Variants in CDH13 observed in about 807,000 individuals in gnomAD.
CDH13 encodes cadherin 13.
A neutral mutation model predicts 63.8 loss-of-function variants in CDH13; 24 were observed. That is an observed-to-expected ratio of 0.38 (90% CI 0.27 to 0.53). CDH13 has a LOEUF of 0.53. CDH13 is among the 20% of genes least tolerant of loss of function. The pLI is 0.85. For missense variants in CDH13, 1,049 were observed against 903.1 expected, an observed-to-expected ratio of 1.16 and a Z score of -2.07; for synonymous variants, 503 against 355.3, an observed-to-expected ratio of 1.42 and a Z score of -4.67.
chr16:83,476,706 CA>C (rs200890682), intron 6 of CDH13, among the ~76,000 whole-genome samples: 1 of 151,716 alleles, frequency 6.6e-6, no homozygotes, highest in East Asian at 1.9e-4. Context: ...GTTAAACAAA[CA>C]AAAAAAACCA....
At chr16:83,473,309 T>C (rs2073511279) in intron 6 of CDH13, among the ~76,000 whole-genome samples, 1 of 152,212 alleles carries the variant, frequency 6.6e-6, no homozygotes, top group South Asian at 2.1e-4. Context: ...TATTTACTTA[T>C]CAAGTTGGAG....
At chr16:83,762,915 T>G (rs1308137877) in intron 11 of CDH13, among the ~76,000 whole-genome samples, 1 of 152,208 alleles carries the variant, frequency 6.6e-6, no homozygotes, top group African/African-American at 2.4e-5. Context: ...TCTCACACTC[T>G]GCCAAGTTTA....
At chr16:83,586,397 A>G (rs1364786436) in intron 7 of CDH13, among the ~76,000 whole-genome samples, 2 of 152,178 alleles carry the variant, frequency 1.3e-5, no homozygotes, top group Non-Finnish European at 1.5e-5. Context: ...GTTTATTGTT[A>G]TTTTTAAAAA....
At chr16:83,083,363 G>C (rs181684329) in intron 3 of CDH13, among the ~76,000 whole-genome samples, 1 of 152,196 alleles carries the variant, frequency 6.6e-6, no homozygotes, top group African/African-American at 2.4e-5. Context: ...AATTTGAAAG[G>C]AAGACAATAA....
At chr16:82,703,127 T>C (rs1295317931) in intron 1 of CDH13, among the ~76,000 whole-genome samples, 1 of 152,158 alleles carries the variant, frequency 6.6e-6, no homozygotes, top group Non-Finnish European at 1.5e-5. Context: ...AAACCACTTA[T>C]ATATTCAGAT....
chr16:83,348,662 C>G (rs913956587), intron 6 of CDH13, among the ~76,000 whole-genome samples: 1 of 152,214 alleles, frequency 6.6e-6, no homozygotes, highest in South Asian at 2.1e-4. Context: ...GCATTGTAGC[C>G]TAGAGCTGTG....
At chr16:83,346,684 G>A (rs1300334192) in intron 6 of CDH13, among the ~76,000 whole-genome samples, 1 of 152,108 alleles carries the variant, frequency 6.6e-6, no homozygotes, top group Non-Finnish European at 1.5e-5. Flanking sequence ...TCAGATACAT[G>A]TAATATTTTT....
chr16:82,704,474 T>A (rs1043023382), intron 1 of CDH13, among the ~76,000 whole-genome samples: 2 of 152,226 alleles, frequency 1.3e-5, no homozygotes, highest in Non-Finnish European at 2.9e-5. Context: ...ACTGCAAAGA[T>A]GTCTGAGGCC....
At chr16:83,271,422 T>TTAAAAAAAA (rs1555522986) in intron 5 of CDH13, among the ~76,000 whole-genome samples, 419 of 26,030 alleles carry the variant, frequency 0.016, 127 homozygotes, top group South Asian at 0.06. Flanking sequence ...GCAGAGTTCA[T>TTAAAAAAAA]AAAAAAAAAA....
intron 6 of CDH13, among the ~76,000 whole-genome samples, chr16:83,401,991 G>A (rs1368319087): frequency 6.6e-6 from 1 of 152,126 alleles, no homozygotes; most frequent in African/African-American, 2.4e-5. Context: ...CTAAAGCAAT[G>A]ACTTTTCAAA....
chr16:82,888,180 A>G (rs926939926), intron 2 of CDH13, among the ~76,000 whole-genome samples: 1 of 152,186 alleles, frequency 6.6e-6, no homozygotes, highest in African/African-American at 2.4e-5. Context: ...TGTAGGTGCT[A>G]CCGATTTGTA....
At chr16:83,550,005 G>A (rs1377710524) in intron 7 of CDH13, among the ~76,000 whole-genome samples, 1 of 152,196 alleles carries the variant, frequency 6.6e-6, no homozygotes, top group Non-Finnish European at 1.5e-5. Context: ...GCCAAACTTG[G>A]CTGACCAAGC....
intron 2 of CDH13, among the ~76,000 whole-genome samples, chr16:82,914,738 C>G (rs1348846064): frequency 6.6e-6 from 1 of 152,204 alleles, no homozygotes; most frequent in African/African-American, 2.4e-5. Context: ...CTGGCGTCCA[C>G]AACTCACAGG....
Position 83,033,545 on chromosome 16 carries a change from A to G in CDH13, c.366+1327A>G, listed in dbSNP as rs141372919. ...TATGTATGTGTGTATATACATACACATGGTATATCTGTATTATATGTGTGT... is the reference window on the plus strand; with the variant it reads ...TATGTATGTGTGTATATACATACACGTGGTATATCTGTATTATATGTGTGT... On this transcript the variant is annotated intron_variant, in intron 3 of 13. Coordinates refer to ENST00000567109, the MANE Select transcript of CDH13 (RefSeq NM_001257.5). Among the ~76,000 whole-genome samples the G allele has an allele frequency of 3.9e-5, 6 of 152,290 alleles. No homozygotes were observed. The East Asian group carries it at 7.7e-4, about 20-fold the overall frequency.
At chr16:82,683,064 G>C (rs182091413) in intron 1 of CDH13, among the ~76,000 whole-genome samples, 147 of 152,316 alleles carry the variant, frequency 9.7e-4, no homozygotes, top group Non-Finnish European at 4.1e-4. Context: ...ATGGAGCTTA[G>C]TGTTCTCAGC....
At chr16:83,068,245 C>T (rs1274225018) in intron 3 of CDH13, among the ~76,000 whole-genome samples, 1 of 152,194 alleles carries the variant, frequency 6.6e-6, no homozygotes, top group African/African-American at 2.4e-5. Flanking sequence ...ATTTTATAGG[C>T]ATTATCTCAC....
intron 1 of CDH13, among the ~76,000 whole-genome samples, chr16:82,640,682 C>G (rs190087174): frequency 6.6e-6 from 1 of 152,074 alleles, no homozygotes; most frequent in East Asian, 1.9e-4. Flanking sequence ...CAGAGGCCAG[C>G]GAGGGGAACC....
intron 1 of CDH13, among the ~76,000 whole-genome samples, chr16:82,851,563 T>C (rs1004744739): frequency 6.6e-6 from 1 of 152,194 alleles, no homozygotes; most frequent in African/African-American, 2.4e-5. Context: ...GTGACCTTAA[T>C]GACCAGAAAC....
chr16:83,290,391 T>G (rs1306707623), intron 5 of CDH13, among the ~76,000 whole-genome samples: 3 of 151,908 alleles, frequency 2.0e-5, no homozygotes, highest in African/African-American at 7.3e-5. Context: ...GGGGGGCAGG[T>G]TTTTCCCATG....
Sources: allele counts gnomAD v4.1 joint callset (sites outside exome capture counted in the v4.1 genomes callset), GRCh38; gene constraint gnomAD v4.1.1; transcripts MANE v1.5; gene names NCBI Gene and HGNC (gene_info 2026-07-23, HGNC 2026-07-21).